The following THNSL1 variants were observed in gnomAD, a reference collection of about 807,000 sequenced individuals.
THNSL1 encodes threonine synthase-like 1.
Under a neutral mutation model 50.4 loss-of-function variants are expected in THNSL1, and 48 were observed. The ratio of observed to expected loss-of-function variants is 0.95; its 90% CI spans 0.76 to 1.21. The LOEUF is 1.21. THNSL1 is among the 50% of genes most tolerant of loss of function. The pLI, the probability that THNSL1 is intolerant of heterozygous loss-of-function variation, is 0.00. For synonymous variants in THNSL1, 309 were observed against 306.1 expected (o/e 1.01, Z -0.10); for missense variants, 896 against 871.7 (o/e 1.03, Z -0.35).
At chr10:25,022,664 GTAA>G (rs1207151612) in intron 2 of THNSL1, among the ~76,000 whole-genome samples, 6 of 152,028 alleles carry the variant, frequency 3.9e-5, no homozygotes, top group African/African-American at 1.4e-4. Flanking sequence ...AAATTTATGA[GTAA>G]TATAGTCTGT....
At chr10:24,973,998 C>T in the THNSL1 span, among the ~76,000 whole-genome samples, 2 of 152,134 alleles carry the variant, frequency 1.3e-5, no homozygotes, top group African/African-American at 4.8e-5. Flanking sequence ...AGGTGATCCA[C>T]CCACCTCGGC....
chr10:24,956,745 A>T, the THNSL1 span, among the ~76,000 whole-genome samples: 3 of 152,164 alleles, frequency 2.0e-5, no homozygotes, highest in Non-Finnish European at 4.4e-5. Flanking sequence ...GCCATACAGC[A>T]GGTGTCCCCA....
At chr10:24,956,966 G>A in the THNSL1 span, among the ~76,000 whole-genome samples, 8 of 152,212 alleles carry the variant, frequency 5.3e-5, no homozygotes, top group Admixed American at 3.9e-4. Context: ...AACTAATGCC[G>A]GATGATCTGA....
chr10:24,988,664 GTA>G, the THNSL1 span, among the ~76,000 whole-genome samples: 3 of 98,884 alleles, frequency 3.0e-5, no homozygotes, highest in Non-Finnish European at 6.4e-5. Flanking sequence ...CACAGCATAT[GTA>G]TATATATATA....
At chr10:24,987,455 A>G in the THNSL1 span, among the ~76,000 whole-genome samples, 2 of 152,030 alleles carry the variant, frequency 1.3e-5, no homozygotes, top group Non-Finnish European at 2.9e-5. Context: ...TGGGCAACAT[A>G]GTCAGACTCC....
the THNSL1 span, chr10:24,999,366 T>C: frequency 6.4e-7 from 1 of 1,568,658 alleles, no homozygotes; most frequent in Non-Finnish European, 8.6e-7. Context: ...CTGCTAATGC[T>C]TTTAATATTA....
the THNSL1 span, among the ~76,000 whole-genome samples, chr10:24,957,388 G>A: frequency 6.6e-6 from 1 of 152,122 alleles, no homozygotes; most frequent in Non-Finnish European, 1.5e-5. Context: ...CCAATGTCAT[G>A]AAGTGTTTCC....
the THNSL1 span, among the ~76,000 whole-genome samples, chr10:24,988,326 T>A: frequency 6.9e-6 from 1 of 145,376 alleles, no homozygotes; most frequent in African/African-American, 2.5e-5. Flanking sequence ...GTATATATAT[T>A]TATATATGTG....
At chr10:25,004,870 C>G in the THNSL1 span, among the ~76,000 whole-genome samples, 2 of 152,194 alleles carry the variant, frequency 1.3e-5, no homozygotes, top group East Asian at 3.8e-4. Context: ...CCTAGGTTGT[C>G]TTCCAGGATT....
chr10:25,018,191 T>A (rs756796812), intron 1 of THNSL1, among the ~76,000 whole-genome samples: 1 of 152,252 alleles, frequency 6.6e-6, no homozygotes, highest in Non-Finnish European at 1.5e-5. Context: ...AGCAGGTTGT[T>A]AAATCATTTG....
At chr10:24,998,987 C>T in the THNSL1 span, among the ~76,000 whole-genome samples, 5,618 of 152,226 alleles carry the variant, frequency 0.037, 249 homozygotes, top group African/African-American at 0.11. Flanking sequence ...CCAGTAGTTG[C>T]TTCAACAACT....
chr10:25,016,866 C>T (rs1850596866), intron 1 of THNSL1, 174 bp downstream of exon 1: 1 of 152,698 alleles, frequency 6.5e-6, no homozygotes, highest in South Asian at 2.1e-4. Flanking sequence ...CGTACCGTCC[C>T]TTCCCCTTTC....
At chr10:25,017,289 T>C (rs778466539) in intron 1 of THNSL1, among the ~76,000 whole-genome samples, 4 of 152,240 alleles carry the variant, frequency 2.6e-5, no homozygotes, top group Admixed American at 2.6e-4. Flanking sequence ...CGTAAATCTA[T>C]GCACATGGGC....
chr10:25,025,214 CT>C lies in THNSL1; in HGVS notation c.1992del (p.Thr665GlnfsTer15). On this transcript the variant is annotated frameshift_variant, in exon 3 of 3. Coordinates refer to ENST00000376356, the MANE Select transcript of THNSL1 (RefSeq NM_024838.5). LOFTEE classifies it high-confidence loss of function. ...AAAACTTGCCCTGTGATTATCTCATCTACAGCCCATTACTCAAAGTTTGCAC... is the reference window on the plus strand; with the variant it reads ...AAAACTTGCCCTGTGATTATCTCATCACAGCCCATTACTCAAAGTTTGCAC... ...QDKTCPVIIS[S>X]TAHYSKFAPA... 6.2e-7 allele frequency: 1 copy of C among 1,614,208 alleles called. No individual in the cohort carries two copies. The highest frequency in any genetic ancestry group is 8.5e-7 in the Non-Finnish European group (1 of 1,180,040).
Position 25,025,633 on chromosome 10 carries a change from TTAATC to T in THNSL1, c.*180_*184del. On this transcript the variant is annotated 3_prime_UTR_variant, in exon 3 of 3. Transcript: ENST00000376356. ...AACTCCATGTCACCTCCTCAGATCT[TTAATC>T]TGGAAGTGACAAAAGGTAACACAGT... is the stretch of plus-strand genomic sequence containing the variant. 1.6e-6 allele frequency: 1 copy of T among 633,614 alleles called. No individual in the cohort carries two copies. Among genetic ancestry groups the T allele is most frequent in the Non-Finnish European group, 2.7e-6 (1 of 364,378 alleles). The allele number at this position is 633,614 out of a possible 1,614,324, so 39.2% of individuals were successfully genotyped here. A position where few individuals can be genotyped will look rare whatever the true frequency, so the allele number is the denominator to read the frequency against.
intron 1 of THNSL1, among the ~76,000 whole-genome samples, chr10:25,020,836 C>G (rs1294201305): frequency 6.6e-6 from 1 of 151,724 alleles, no homozygotes; most frequent in Non-Finnish European, 1.5e-5. Context: ...GTATTGCAAA[C>G]TCAAAAAGAA....
chr10:24,984,843 A>G, the THNSL1 span: 2 of 1,613,804 alleles, frequency 1.2e-6, no homozygotes, highest in East Asian at 2.2e-5. Flanking sequence ...TTGGTATAGA[A>G]TCTATAAAGA....
the THNSL1 span, chr10:24,952,428 C>T: frequency 1.5e-6 from 2 of 1,358,754 alleles, no homozygotes; most frequent in South Asian, 2.5e-5. The surrounding 1 kb of genome is among the most constrained non-coding windows in gnomAD (Gnocchi z 5.1). Flanking sequence ...AGCGGTGGCC[C>T]TCTCTCTCCC....
chr10:24,972,435 A>C, the THNSL1 span, among the ~76,000 whole-genome samples: 1 of 149,588 alleles, frequency 6.7e-6, no homozygotes, highest in South Asian at 2.1e-4. Context: ...TTGAACCCGG[A>C]AGGTGGAGGT....
Sources: allele counts gnomAD v4.1 joint callset (sites outside exome capture counted in the v4.1 genomes callset), GRCh38; gene constraint gnomAD v4.1.1; non-coding constraint Gnocchi (gnomAD v3.1); transcripts MANE v1.5; gene names NCBI Gene and HGNC (gene_info 2026-07-23, HGNC 2026-07-21).